The following FNDC3B variants were observed in gnomAD, a reference collection of about 807,000 sequenced individuals.
FNDC3B encodes fibronectin type III domain-containing protein 3B.
A neutral mutation model predicts 151.5 loss-of-function variants in FNDC3B; 12 were observed. The observed-to-expected ratio is 0.08, with a 90% CI of 0.05 to 0.13. The LOEUF (loss-of-function observed/expected upper bound fraction) is 0.13. Among genes scored for constraint, FNDC3B ranks in the 10% least tolerant of loss-of-function variants. The probability of loss-of-function intolerance (pLI) is 1.00; values close to 1 mark genes in which losing one functional copy is unlikely to be tolerated. For synonymous variants in FNDC3B, 528 were observed against 549.0 expected (o/e 0.96, Z 0.54); for missense variants, 1,214 against 1,505.3 (o/e 0.81, Z 3.20).
intron 3 of FNDC3B, among the ~76,000 whole-genome samples, chr3:172,143,908 AAAATAAAT>A (rs60080346): frequency 0.027 from 3,830 of 142,006 alleles, 74 homozygotes; most frequent in African/African-American, 0.054. Context: ...CCTCCATCTC[AAAATAAAT>A]AAATAAATAA....
intron 11 of FNDC3B, among the ~76,000 whole-genome samples, chr3:172,318,395 G>A (rs1381733007): frequency 6.6e-6 from 1 of 152,226 alleles, no homozygotes; most frequent in East Asian, 1.9e-4. Context: ...GCCTTGTTTA[G>A]GGATTGAGTT....
At chr3:172,104,297 A>G (rs972933771) in intron 1 of FNDC3B, among the ~76,000 whole-genome samples, 2 of 152,168 alleles carry the variant, frequency 1.3e-5, no homozygotes. Context: ...GTCATTTTAT[A>G]AGAGGAAATT....
chr3:172,124,282 G>A (rs1335946953), intron 2 of FNDC3B, among the ~76,000 whole-genome samples: 2 of 152,186 alleles, frequency 1.3e-5, no homozygotes, highest in East Asian at 3.8e-4. Context: ...GTAGAGATGA[G>A]GTTTCAACAC....
intron 23 of FNDC3B, among the ~76,000 whole-genome samples, chr3:172,371,320 A>G (rs9828216): frequency 0.15 from 23,486 of 152,254 alleles, 1,946 homozygotes; most frequent in South Asian, 0.23. Context: ...CATGTTCAGT[A>G]TAGATGCAAG....
chr3:172,378,918 T>C (rs1267161704), intron 24 of FNDC3B, among the ~76,000 whole-genome samples: 1 of 152,228 alleles, frequency 6.6e-6, no homozygotes, highest in African/African-American at 2.4e-5. Context: ...GGGGTACTTA[T>C]CTTGAAGTTT....
intron 3 of FNDC3B, among the ~76,000 whole-genome samples, chr3:172,150,283 G>A (rs1370500608): frequency 2.0e-5 from 3 of 151,872 alleles, no homozygotes; most frequent in East Asian, 1.9e-4. Flanking sequence ...TTTAGTTTAC[G>A]TTGCACTTCA....
At chr3:172,176,699 G>T (rs1448965697) in intron 3 of FNDC3B, among the ~76,000 whole-genome samples, 2 of 152,166 alleles carry the variant, frequency 1.3e-5, no homozygotes, top group African/African-American at 4.8e-5. Flanking sequence ...GTAGCTTAGT[G>T]TTTAAATGAT....
intron 1 of FNDC3B, among the ~76,000 whole-genome samples, chr3:172,111,654 G>T (rs1354294886): frequency 6.6e-5 from 10 of 152,106 alleles, no homozygotes; most frequent in African/African-American, 2.2e-4. Flanking sequence ...TATGCTTGAC[G>T]TTTAGAGTGG....
chr3:172,077,820 TA>T (rs1356910957), intron 1 of FNDC3B, among the ~76,000 whole-genome samples: 1 of 152,164 alleles, frequency 6.6e-6, no homozygotes, highest in African/African-American at 2.4e-5. Context: ...AACATTTACC[TA>T]AAAAATTATA....
chr3:172,368,559 G>A (rs1734740321), intron 23 of FNDC3B, among the ~76,000 whole-genome samples: 1 of 152,144 alleles, frequency 6.6e-6, no homozygotes, highest in African/African-American at 2.4e-5. Context: ...TTCTCGACAT[G>A]GGTATCAAAT....
chr3:172,136,442 G>A (rs954961688), intron 3 of FNDC3B, among the ~76,000 whole-genome samples: 6 of 152,144 alleles, frequency 3.9e-5, no homozygotes, highest in African/African-American at 1.4e-4. Flanking sequence ...TTCAGATTTG[G>A]GGTGGCTCAG....
intron 2 of FNDC3B, among the ~76,000 whole-genome samples, chr3:172,125,848 G>T (rs908445602): frequency 6.6e-6 from 1 of 152,128 alleles, no homozygotes; most frequent in Non-Finnish European, 1.5e-5. Context: ...CAGTGATACC[G>T]TACCGGGTTG....
At chr3:172,239,186 A>G (rs1342512629) in intron 4 of FNDC3B, among the ~76,000 whole-genome samples, 2 of 152,098 alleles carry the variant, frequency 1.3e-5, no homozygotes, top group African/African-American at 4.8e-5. Flanking sequence ...GTGTAGTCCA[A>G]GCTACAGGAT....
intron 2 of FNDC3B, among the ~76,000 whole-genome samples, chr3:172,126,215 C>T (rs1404890053): frequency 2.6e-5 from 4 of 152,092 alleles, no homozygotes; most frequent in Admixed American, 2.0e-4. Flanking sequence ...CCGAATTCAA[C>T]GTGCATAGAA....
intron 23 of FNDC3B, among the ~76,000 whole-genome samples, chr3:172,373,240 C>T (rs1347423966): frequency 6.6e-6 from 1 of 152,204 alleles, no homozygotes; most frequent in Non-Finnish European, 1.5e-5. Context: ...TTGTTTTCTT[C>T]CTACTCCAGG....
chr3:172,130,303 C>G (rs1721006926), intron 2 of FNDC3B, among the ~76,000 whole-genome samples: 1 of 152,182 alleles, frequency 6.6e-6, no homozygotes, highest in African/African-American at 2.4e-5. Context: ...ATGACTTCTG[C>G]TCTACTGAGA....
intron 3 of FNDC3B, among the ~76,000 whole-genome samples, chr3:172,205,178 G>A (rs548453332): frequency 7.2e-5 from 11 of 151,884 alleles, no homozygotes; most frequent in South Asian, 2.1e-4. Flanking sequence ...ACCATCCCCC[G>A]CCCAGGCTAC....
At chr3:172,120,705 G>C (rs1266184684) in intron 2 of FNDC3B, among the ~76,000 whole-genome samples, 2 of 152,098 alleles carry the variant, frequency 1.3e-5, no homozygotes, top group Non-Finnish European at 2.9e-5. Context: ...AAAACCAGAA[G>C]ACATACGCCT....
At chr3:172,304,324 T>C (rs1731083246) in intron 9 of FNDC3B, among the ~76,000 whole-genome samples, 1 of 152,252 alleles carries the variant, frequency 6.6e-6, no homozygotes, top group Non-Finnish European at 1.5e-5. Flanking sequence ...GATGGATTTT[T>C]GGCGGTGGCT....
Sources: gnomAD v4.1 joint callset for allele counts (sites outside exome capture counted in the v4.1 genomes callset) on GRCh38, gnomAD v4.1.1 for gene constraint, MANE v1.5 for transcripts, NCBI Gene and HGNC (gene_info 2026-07-23, HGNC 2026-07-21) for gene names.